The following PTPRD variants were observed in gnomAD, a reference collection of about 807,000 sequenced individuals.
PTPRD encodes protein tyrosine phosphatase receptor type D, also known as receptor-type tyrosine-protein phosphatase delta.
Under a neutral mutation model 214.5 loss-of-function variants are expected in PTPRD, and 34 were observed. The observed-to-expected ratio is 0.16, with a 90% CI of 0.12 to 0.21. PTPRD has a LOEUF of 0.21. PTPRD is among the 10% of genes least tolerant of loss of function. PTPRD has a pLI of 1.00. For synonymous variants in PTPRD, 1,128 were observed against 845.7 expected (o/e 1.33, Z -5.79); for missense variants, 2,545 against 2,398.7 (o/e 1.06, Z -1.27).
At chr9:8,725,537 T>C (rs2098547905) in intron 12 of PTPRD, among the ~76,000 whole-genome samples, 1 of 152,178 alleles carries the variant, frequency 6.6e-6, no homozygotes, top group African/African-American at 2.4e-5. Flanking sequence ...ATTGTGAAGT[T>C]AATGGGATAA....
At chr9:8,890,788 T>C (rs1276551267) in intron 11 of PTPRD, among the ~76,000 whole-genome samples, 1 of 152,200 alleles carries the variant, frequency 6.6e-6, no homozygotes, top group Admixed American at 6.5e-5. Flanking sequence ...AGCATTGGTC[T>C]CTAGGAAGCA....
intron 3 of PTPRD, among the ~76,000 whole-genome samples, chr9:10,177,933 A>G (rs1452880684): frequency 6.6e-6 from 1 of 151,964 alleles, no homozygotes; most frequent in Non-Finnish European, 1.5e-5. Flanking sequence ...GAAATAGCCA[A>G]TTGCAAACCA....
chr9:9,062,338 T>G (rs2099709067), intron 10 of PTPRD, among the ~76,000 whole-genome samples: 1 of 152,200 alleles, frequency 6.6e-6, no homozygotes, highest in South Asian at 2.1e-4. Flanking sequence ...AGTAAGCAAC[T>G]GATTAACCAT....
intron 11 of PTPRD, among the ~76,000 whole-genome samples, chr9:8,978,968 T>C (rs1436869211): frequency 6.6e-6 from 1 of 152,128 alleles, no homozygotes; most frequent in Non-Finnish European, 1.5e-5. Flanking sequence ...GAGGCTGCCA[T>C]CTTTATTCTT....
At chr9:10,296,230 T>C (rs781455419) in intron 3 of PTPRD, among the ~76,000 whole-genome samples, 5 of 152,104 alleles carry the variant, frequency 3.3e-5, no homozygotes, top group Non-Finnish European at 7.4e-5. Context: ...ATTTACTGCA[T>C]TAAGTAATAT....
intron 19 of PTPRD, among the ~76,000 whole-genome samples, chr9:8,522,193 G>A (rs1403789612): frequency 1.3e-5 from 2 of 152,200 alleles, no homozygotes; most frequent in Non-Finnish European, 2.9e-5. Context: ...AACACCAGTA[G>A]AGATACTGGA....
intron 2 of PTPRD, among the ~76,000 whole-genome samples, chr9:10,368,486 T>A (rs2097553916): frequency 6.6e-6 from 1 of 152,104 alleles, no homozygotes; most frequent in Non-Finnish European, 1.5e-5. Flanking sequence ...ATACATTCAA[T>A]GCAATGGGTT....
intron 5 of PTPRD, among the ~76,000 whole-genome samples, chr9:9,829,194 G>C (rs1050689006): frequency 1.3e-5 from 2 of 151,796 alleles, no homozygotes; most frequent in African/African-American, 4.8e-5. Flanking sequence ...TCAAATTGGT[G>C]TTGACATATT....
rs1255680770 is a variant in PTPRD, at chr9:10,060,885, CTTCCTTCCTTCCTTCTTTCT to C, written c.-544-27115_-544-27096del. 6.3e-4 allele frequency among the ~76,000 whole-genome samples: 46 copies of C among 73,296 alleles called. No homozygotes were observed. The African/African-American group carries it at 6.8e-3, about 11-fold the overall frequency. 48.1% of individuals were successfully genotyped at this position (73,296 alleles called of 152,430 possible). Reference sequence around the variant, plus strand: ...CCTTCCTTCTTTCCTTCCTTCCTTCCTTCCTTCCTTCCTTCTTTCTTTCTTTCTTTCTTTCTTTCTTTCTT... The same window carrying C: ...CCTTCCTTCTTTCCTTCCTTCCTTCCTTCTTTCTTTCTTTCTTTCTTTCTT... On this transcript the variant is annotated intron_variant, in intron 3 of 45. Transcript: ENST00000381196.
chr9:10,555,593 G>A (rs1465300812), intron 2 of PTPRD, among the ~76,000 whole-genome samples: 1 of 152,042 alleles, frequency 6.6e-6, no homozygotes, highest in Non-Finnish European at 1.5e-5. Context: ...CCTACAAAAG[G>A]CAAGAATACT....
chr9:10,112,102 TG>T (rs1383718016), intron 3 of PTPRD, among the ~76,000 whole-genome samples: 1 of 152,192 alleles, frequency 6.6e-6, no homozygotes, highest in Non-Finnish European at 1.5e-5. Context: ...GGAAGAAGCA[TG>T]CCAGATTTCC....
Position 9,708,752 on chromosome 9 carries a change from A to G in PTPRD, c.-287+25781T>C, listed in dbSNP as rs368012761. Among the ~76,000 whole-genome samples, 171 of 152,206 alleles carry G rather than the reference A, an allele frequency of 1.1e-3. 2 individuals carry two copies. Among genetic ancestry groups the G allele is most frequent in the African/African-American group, 4.0e-3 (165 of 41,564 alleles). ...TGATGAAAATTCACTTAAAATTGGT[A>G]GAAACTTGCATAATACCTGGAGTTT... On this transcript the variant is annotated intron_variant, in intron 7 of 45. Transcript: ENST00000381196.
chr9:9,434,319 A>G (rs1320081561), intron 8 of PTPRD, among the ~76,000 whole-genome samples: 4 of 152,160 alleles, frequency 2.6e-5, no homozygotes, highest in Non-Finnish European at 5.9e-5. Context: ...GAGGTGAAGT[A>G]TCTCTACACT....
At position 8,888,663 on chromosome 9, in the gene PTPRD, T is replaced by C. The variant is rs201864851; in HGVS notation, c.-104+130034A>G. On this transcript the variant is annotated intron_variant, in intron 11 of 45. Coordinates refer to ENST00000381196, the MANE Select transcript of PTPRD (RefSeq NM_002839.4). ...GGTTATTTTTATGGCTGCTTCTAACTGTGGTGCTTCACCTTAGCCATAAAA... is the reference window on the plus strand; with the variant it reads ...GGTTATTTTTATGGCTGCTTCTAACCGTGGTGCTTCACCTTAGCCATAAAA... 9.8e-5 allele frequency among the ~76,000 whole-genome samples: 15 copies of C among 152,356 alleles called. No individual in the cohort carries two copies. The East Asian group carries it at 2.9e-3, about 29-fold the overall frequency.
intron 9 of PTPRD, among the ~76,000 whole-genome samples, chr9:9,332,277 C>G (rs906376128): frequency 1.3e-5 from 2 of 151,924 alleles, no homozygotes; most frequent in Non-Finnish European, 2.9e-5. Flanking sequence ...TTTCCAGAAA[C>G]AGCAGGTGAA....
intron 10 of PTPRD, among the ~76,000 whole-genome samples, chr9:9,166,210 T>A (rs1442729952): frequency 6.6e-6 from 1 of 152,002 alleles, no homozygotes; most frequent in Non-Finnish European, 1.5e-5. Flanking sequence ...CTTTCAATGT[T>A]GTAATAGTAG....
At chr9:9,082,487 G>C (rs536770587) in intron 10 of PTPRD, among the ~76,000 whole-genome samples, 20 of 151,298 alleles carry the variant, frequency 1.3e-4, no homozygotes, top group Non-Finnish European at 2.4e-4. Context: ...ACAAACCTAA[G>C]ACACAAGACA....
chr9:8,772,315 C>G (rs1156547911), intron 11 of PTPRD, among the ~76,000 whole-genome samples: 1 of 152,008 alleles, frequency 6.6e-6, no homozygotes, highest in African/African-American at 2.4e-5. Context: ...AGTTTTTTAT[C>G]TCAAGAGCTC....
intron 5 of PTPRD, among the ~76,000 whole-genome samples, chr9:9,798,586 G>A (rs2099018793): frequency 6.6e-6 from 1 of 152,132 alleles, no homozygotes; most frequent in African/African-American, 2.4e-5. Context: ...TGACCTTTCT[G>A]CTTCTGCTAT....
Sources: allele counts gnomAD v4.1 joint callset (sites outside exome capture counted in the v4.1 genomes callset), GRCh38; gene constraint gnomAD v4.1.1; transcripts MANE v1.5; gene names NCBI Gene and HGNC (gene_info 2026-07-23, HGNC 2026-07-21).